Variants in CD6 observed in about 807,000 individuals in gnomAD.
CD6 encodes the protein CD6 molecule, also known as T-cell differentiation antigen CD6.
Under a neutral mutation model 75.3 loss-of-function variants are expected in CD6, and 53 were observed. The ratio of observed to expected loss-of-function variants is 0.70; its 90% CI spans 0.56 to 0.88. The LOEUF is 0.88. CD6 is among the 40% of genes least tolerant of loss of function. The pLI, the probability that CD6 is intolerant of heterozygous loss-of-function variation, is 0.00. For synonymous variants in CD6, 359 were observed against 381.5 expected (o/e 0.94, Z 0.69); for missense variants, 770 against 897.1 (o/e 0.86, Z 1.81).
intron 1 of CD6, among the ~76,000 whole-genome samples, chr11:60,986,489 G>T (rs969095722): frequency 2.0e-5 from 3 of 152,156 alleles, no homozygotes; most frequent in African/African-American, 7.2e-5. Context: ...CAGCTTTTGC[G>T]CTCTAGGTAG....
At chr11:60,982,517 G>A (rs565220856) in intron 1 of CD6, 5 of 450,554 alleles carry the variant, frequency 1.1e-5, no homozygotes, top group South Asian at 6.2e-5. Context: ...GCAGGCGGGC[G>A]CGGGGAGACA....
chr11:61,008,934 G>T lies in CD6; in HGVS notation c.781+89G>T, dbSNP rs1278620591. 2.6e-6 allele frequency: 3 copies of T among 1,157,996 alleles called. No individual in the cohort carries two copies. In the African/African-American group the frequency reaches 4.6e-5, roughly 18 times the overall value. 71.7% of individuals were successfully genotyped at this position (1,157,996 alleles called of 1,614,324 possible). ...CAAGCCTGGAGTTAGTGCCGGAGAG[G>T]TGGTCCCTGCCCTTGAGATGTCACA... On this transcript the variant is annotated intron_variant, in intron 4 of 12. Transcript: ENST00000313421.
In CD6 at chr11:61,015,888, G is replaced by A. The variant is rs1302359543; in HGVS notation, c.1510+53G>A. On this transcript the variant is annotated intron_variant, in intron 9 of 12. Transcript: ENST00000313421. ...CCCACCTACCTGAATCTGGGAGGGG[G>A]CCCCGAGGGGACCGTCAGGTCAGTA... 11 of 1,605,550 alleles carry A rather than the reference G, an allele frequency of 6.9e-6. No homozygotes were observed. The African/African-American group carries it at 1.2e-4, about 18-fold the overall frequency.
chr11:60,971,787 A>G lies in CD6; in HGVS notation c.-79A>G. The G allele has an allele frequency of 1.4e-6, 2 of 1,443,456 alleles. 1 individual carries two copies. Among genetic ancestry groups the G allele is most frequent in the South Asian group, 2.3e-5 (2 of 85,280 alleles). The allele number at this position is 1,443,456 out of a possible 1,614,324, so 89.4% of individuals were successfully genotyped here. A position where few individuals can be genotyped will look rare whatever the true frequency, so the allele number is the denominator to read the frequency against. On this transcript the variant is annotated 5_prime_UTR_variant, in exon 1 of 13. Coordinates refer to ENST00000313421, the MANE Select transcript of CD6 (RefSeq NM_006725.5). ...AGCAGACCTGCGCCAGGGGCGCACAACGGCCGTGTCCACCTCCCGGCCCCA... is the reference window on the plus strand; with the variant it reads ...AGCAGACCTGCGCCAGGGGCGCACAGCGGCCGTGTCCACCTCCCGGCCCCA...
At chr11:60,982,638 C>G in intron 1 of CD6, 1 of 456,034 alleles carries the variant, frequency 2.2e-6, no homozygotes, top group Middle Eastern at 3.3e-4. Context: ...GCACAGTTGC[C>G]AAATGGATTC....
chr11:60,972,987 A>C (rs544363513), intron 1 of CD6, among the ~76,000 whole-genome samples: 1 of 152,236 alleles, frequency 6.6e-6, no homozygotes, highest in African/African-American at 2.4e-5. Flanking sequence ...TGCCCTGCTA[A>C]CTCTACCAGG....
Position 61,019,377 on chromosome 11 carries a change from A to T in CD6, c.*59A>T. 1 of 1,354,580 alleles carries T rather than the reference A, an allele frequency of 7.4e-7. No homozygotes were observed. Among genetic ancestry groups the T allele is most frequent in the Non-Finnish European group, 1.0e-6 (1 of 973,224 alleles). 83.9% of individuals were successfully genotyped at this position (1,354,580 alleles called of 1,614,324 possible). A position where few individuals can be genotyped will look rare whatever the true frequency, so the allele number is the denominator to read the frequency against. Reference sequence around the variant, plus strand: ...GACCCTCTGGCCTCCTGCTCTACCTACTCCCTTTCCCCTTTCCCACCCTCC... The same window carrying T: ...GACCCTCTGGCCTCCTGCTCTACCTTCTCCCTTTCCCCTTTCCCACCCTCC... On this transcript the variant is annotated 3_prime_UTR_variant, in exon 13 of 13. Transcript: ENST00000313421.
At chr11:61,009,514 C>T (rs1344016687) in intron 4 of CD6, 58 bp from the exon 5 acceptor site, 8 of 1,474,296 alleles carry the variant, frequency 5.4e-6, no homozygotes, top group Admixed American at 4.4e-5. Context: ...TCTGGGCTGG[C>T]GGGAATTTCT....
rs1418212479 is a variant in CD6 at position 60,991,525 on chromosome 11, T to C, written c.50-15049T>C. 2.0e-5 allele frequency among the ~76,000 whole-genome samples: 3 copies of C among 152,178 alleles called. No homozygotes were observed. In the East Asian group the frequency reaches 5.8e-4, roughly 29 times the overall value. Reference sequence around the variant, plus strand: ...TGAATATGTTGTTTTTCATCTGTTTTTTCCATCTACGATACATATATGCAC... The same window carrying C: ...TGAATATGTTGTTTTTCATCTGTTTCTTCCATCTACGATACATATATGCAC... On this transcript the variant is annotated intron_variant, in intron 1 of 12. Coordinates refer to ENST00000313421, the MANE Select transcript of CD6 (RefSeq NM_006725.5).
chr11:61,016,838 G>C (rs1356879312), intron 9 of CD6: 1 of 152,492 alleles, frequency 6.6e-6, no homozygotes, highest in Non-Finnish European at 1.5e-5. Flanking sequence ...GTGGGACACG[G>C]ATGATTCCAC....
At chr11:61,005,684 C>T (rs1858813715) in intron 1 of CD6, among the ~76,000 whole-genome samples, 1 of 152,216 alleles carries the variant, frequency 6.6e-6, no homozygotes, top group African/African-American at 2.4e-5. Context: ...GTAATCCCGG[C>T]ACTTTGGGAG....
chr11:60,988,443 C>T (rs1468245209), intron 1 of CD6, among the ~76,000 whole-genome samples: 1 of 152,168 alleles, frequency 6.6e-6, no homozygotes, highest in African/African-American at 2.4e-5. Context: ...CTGGTGCCTC[C>T]CCCAGGTTCT....
At chr11:61,005,560 T>C (rs1357310794) in intron 1 of CD6, among the ~76,000 whole-genome samples, 1 of 152,224 alleles carries the variant, frequency 6.6e-6, no homozygotes, top group Non-Finnish European at 1.5e-5. Context: ...CAGGGACAAC[T>C]GATTTTTGCT....
At chr11:60,996,663 G>A (rs927598360) in intron 1 of CD6, among the ~76,000 whole-genome samples, 7 of 152,226 alleles carry the variant, frequency 4.6e-5, no homozygotes, top group African/African-American at 9.6e-5. Context: ...CCTCTCCCAA[G>A]GTTCGGGGAC....
intron 1 of CD6, among the ~76,000 whole-genome samples, chr11:60,978,297 CAT>C (rs1036150400): frequency 4.6e-5 from 7 of 152,180 alleles, no homozygotes; most frequent in African/African-American, 9.7e-5. Context: ...ACGTCCTACA[CAT>C]GAGACCCCCA....
At chr11:61,010,618 G>C (rs754048034) in intron 5 of CD6, among the ~76,000 whole-genome samples, 4 of 152,166 alleles carry the variant, frequency 2.6e-5, no homozygotes, top group Non-Finnish European at 2.9e-5. Flanking sequence ...GCTGATACTA[G>C]GCACTTCGCA....
chr11:60,987,215 C>T lies in CD6; in HGVS notation c.49+15301C>T, dbSNP rs555396344. On this transcript the variant is annotated intron_variant, in intron 1 of 12. Transcript: ENST00000313421. ...AGTGGGACTGGTTCCTTCTGAGAAG[C>T]TGTTCTCTTCTGAGCTTCTGGTGGC... is the stretch of plus-strand genomic sequence containing the variant. Among the ~76,000 whole-genome samples, 4 of 152,344 alleles carry T rather than the reference C, an allele frequency of 2.6e-5. No homozygotes were observed. The South Asian group carries it at 8.3e-4, about 32-fold the overall frequency.
At position 61,018,330 on chromosome 11, in the gene CD6, G is replaced by T; in HGVS notation, c.1879G>T (p.Glu627Ter). 2 of 1,608,788 alleles carry T rather than the reference G, an allele frequency of 1.2e-6. No individual in the cohort carries two copies. The highest frequency in any genetic ancestry group is 1.7e-6 in the Non-Finnish European group (2 of 1,177,778). The change falls in exon 12 of 13, where the codon GAG (glutamate) becomes TAG (stop). Residue 627 changes from glutamate to a stop codon, truncating the protein, a stop_gained. Coordinates refer to ENST00000313421, the MANE Select transcript of CD6 (RefSeq NM_006725.5). LOFTEE classifies it high-confidence loss of function. Reference protein sequence around the residue: ...ADDSSSTSSGEWYQNFQPPPQ... With the variant: ...ADDSSSTSSG ...TGACAGCTCCAGCACCTCATCCGGG[G>T]AGTGGTACCAGAACTTCCAGCCACC...
intron 6 of CD6, among the ~76,000 whole-genome samples, chr11:61,012,729 G>A (rs1859207714): frequency 6.6e-6 from 1 of 152,100 alleles, no homozygotes; most frequent in African/African-American, 2.4e-5. Context: ...GGAGGGGGAG[G>A]GCAAGAAGTC....
Sources: gnomAD v4.1 joint callset for allele counts (sites outside exome capture counted in the v4.1 genomes callset) on GRCh38, gnomAD v4.1.1 for gene constraint, MANE v1.5 for transcripts, NCBI Gene and HGNC (gene_info 2026-07-23, HGNC 2026-07-21) for gene names.